Variants in PCNX2 observed in about 807,000 individuals in gnomAD.
The protein encoded by PCNX2 is pecanex 2.
Under a neutral mutation model 223.8 loss-of-function variants are expected in PCNX2, and 168 were observed. The ratio of observed to expected loss-of-function variants is 0.75; its 90% confidence interval spans 0.66 to 0.85. PCNX2 has a LOEUF of 0.85. PCNX2 is among the 40% of genes least tolerant of loss of function. The pLI, the probability that PCNX2 is intolerant of heterozygous loss-of-function variation, is 0.00. For missense variants in PCNX2, 2,507 were observed against 2,675.5 expected (o/e 0.94, Z 1.39); for synonymous variants, 1,006 against 1,052.6 (o/e 0.96, Z 0.86).
chr1:232,986,516 G>T lies in PCNX2; in HGVS notation c.5816C>A (p.Ser1939Tyr), dbSNP rs751586500. 1.9e-6 allele frequency: 3 copies of T among 1,544,158 alleles called. No individual in the cohort carries two copies. The highest frequency in any genetic ancestry group is 1.7e-6 in the Non-Finnish European group (2 of 1,144,678). Residue 1939 changes from serine (S) to tyrosine (Y), a missense_variant, in exon 33 of 34, where the codon TCC becomes TAC. This residue lies in a region of PCNX2 where 1,372 missense variants were observed against 1,509.4 expected (regional missense o/e 0.91). Coordinates refer to ENST00000258229, the MANE Select transcript of PCNX2 (RefSeq NM_014801.4). ...GCTTAGCGCTGAGTGTGCCTGCACG[G>T]ACTGGCTCCTGCCTTTCCTCCTGCC... Reference protein sequence around the residue: ...RTGRRKGRSQSVQAHSALSQR... With the variant: ...RTGRRKGRSQYVQAHSALSQR...
chr1:233,183,528 C>T (rs1236879166), intron 15 of PCNX2, among the ~76,000 whole-genome samples: 1 of 152,196 alleles, frequency 6.6e-6, no homozygotes, highest in Non-Finnish European at 1.5e-5. Context: ...ATGAGATTAT[C>T]AGAGAAAAGG....
chr1:233,200,091 C>G, intron 14 of PCNX2, 63 bp downstream of exon 14: 5 of 1,286,008 alleles, frequency 3.9e-6, no homozygotes, highest in Non-Finnish European at 5.4e-6. Flanking sequence ...CTGCCTAAGG[C>G]TATTTAGTCC....
chr1:233,076,805 T>G (rs1012869834), intron 23 of PCNX2, among the ~76,000 whole-genome samples: 2 of 152,224 alleles, frequency 1.3e-5, no homozygotes, highest in Non-Finnish European at 2.9e-5. Flanking sequence ...TGTTTGCATT[T>G]TTATGATATG....
At chr1:233,124,106 C>T (rs752923781) in intron 21 of PCNX2, among the ~76,000 whole-genome samples, 7 of 152,118 alleles carry the variant, frequency 4.6e-5, no homozygotes, top group African/African-American at 9.7e-5. Flanking sequence ...TTCTCATTCT[C>T]GTTTTCTGTC....
At chr1:233,004,136 T>C (rs1670192289) in intron 28 of PCNX2, among the ~76,000 whole-genome samples, 1 of 151,208 alleles carries the variant, frequency 6.6e-6, no homozygotes. Context: ...ACTTAAAGTA[T>C]AATTAAAAAA....
At chr1:233,268,101 T>C (rs11581864) in intron 1 of PCNX2, among the ~76,000 whole-genome samples, 1 of 152,038 alleles carries the variant, frequency 6.6e-6, no homozygotes, top group Admixed American at 6.5e-5. Context: ...TAGTAGAGAC[T>C]AGGTTTCACC....
At chr1:232,986,054 T>C (rs1571978227) in intron 33 of PCNX2, 38 bp downstream of exon 33, 2 of 1,548,046 alleles carry the variant, frequency 1.3e-6, no homozygotes, top group South Asian at 2.4e-5. Flanking sequence ...CGTGCCACCA[T>C]CCCAGCCTGT....
chr1:233,123,930 T>C (rs1675951007), intron 21 of PCNX2, among the ~76,000 whole-genome samples: 2 of 152,322 alleles, frequency 1.3e-5, no homozygotes, highest in East Asian at 3.9e-4. Flanking sequence ...ATCAGAATAC[T>C]GGTAATGGAA....
At chr1:233,211,587 T>G (rs1681822398) in intron 12 of PCNX2, among the ~76,000 whole-genome samples, 2 of 152,130 alleles carry the variant, frequency 1.3e-5, no homozygotes, top group Admixed American at 6.5e-5. Flanking sequence ...CTATTCTCAT[T>G]TTGATAAGAG....
chr1:233,059,449 C>A (rs1031813157), intron 23 of PCNX2, among the ~76,000 whole-genome samples: 8 of 152,150 alleles, frequency 5.3e-5, no homozygotes, highest in Non-Finnish European at 1.5e-5. Context: ...GAGGCAGAGG[C>A]ACAGAGAAAT....
intron 21 of PCNX2, among the ~76,000 whole-genome samples, chr1:233,100,927 T>C (rs1383019636): frequency 6.6e-6 from 1 of 152,198 alleles, no homozygotes; most frequent in African/African-American, 2.4e-5. Context: ...CTTCAGTTAA[T>C]TTCACCCCAA....
At chr1:233,193,990 A>G (rs1680568269) in intron 15 of PCNX2, among the ~76,000 whole-genome samples, 1 of 152,108 alleles carries the variant, frequency 6.6e-6, no homozygotes, top group South Asian at 2.1e-4. Context: ...AAGGCAGAAG[A>G]CATATTTGAA....
Position 233,209,817 on chromosome 1 carries a change from T to C in PCNX2, c.2692-1128A>G, listed in dbSNP as rs116022208. On this transcript the variant is annotated intron_variant, in intron 12 of 33. Transcript: ENST00000258229. Reference sequence around the variant, plus strand: ...TTAATGGGTATGGGAATACTTTTGTTGCATTTTTAAAAACTGAAGCTAAAG... The same window carrying C: ...TTAATGGGTATGGGAATACTTTTGTCGCATTTTTAAAAACTGAAGCTAAAG... Among the ~76,000 whole-genome samples, 652 of 152,324 alleles carry C rather than the reference T, an allele frequency of 4.3e-3. 5 individuals carry two copies. The highest frequency in any genetic ancestry group is 0.015 in the African/African-American group (629 of 41,582).
intron 19 of PCNX2, among the ~76,000 whole-genome samples, chr1:233,151,819 C>T (rs1316251360): frequency 6.6e-6 from 1 of 152,184 alleles, no homozygotes; most frequent in African/African-American, 2.4e-5. Flanking sequence ...GGATTATAGG[C>T]ACCTGCTACC....
intron 17 of PCNX2, 149 bp downstream of exon 17, chr1:233,177,653 C>A: frequency 1.7e-6 from 1 of 599,348 alleles, no homozygotes; most frequent in Non-Finnish European, 2.9e-6. Context: ...GCAGGCAGCT[C>A]AACAGCCCAG....
Position 233,001,887 on chromosome 1 carries a change from G to A in PCNX2, c.4953-206C>T, listed in dbSNP as rs200459902. ...CCCTCATAAGTGCTAGTGTCATGGC[G>A]TGGGCGTTGTCTTCAGTCATTTTAG... is the stretch of plus-strand genomic sequence containing the variant. On this transcript the variant is annotated intron_variant, in intron 28 of 33. Coordinates refer to ENST00000258229, the MANE Select transcript of PCNX2 (RefSeq NM_014801.4). The surrounding 1 kb of genome is among the most constrained non-coding windows in gnomAD (Gnocchi z 4.2). Among the ~76,000 whole-genome samples, 8 of 152,178 alleles carry A rather than the reference G, an allele frequency of 5.3e-5. No individual in the cohort carries two copies. The East Asian group carries it at 1.2e-3, about 22-fold the overall frequency.
intron 23 of PCNX2, among the ~76,000 whole-genome samples, chr1:233,088,508 T>A (rs1673710410): frequency 6.6e-6 from 1 of 152,212 alleles, no homozygotes; most frequent in South Asian, 2.1e-4. Context: ...GGTAGTTTTT[T>A]TTTACTCTCT....
At chr1:233,288,581 A>C (rs1661571520) in intron 1 of PCNX2, among the ~76,000 whole-genome samples, 1 of 152,212 alleles carries the variant, frequency 6.6e-6, no homozygotes, top group East Asian at 1.9e-4. Flanking sequence ...AACTGACTCA[A>C]GAAAATAATT....
chr1:233,047,396 C>G, intron 25 of PCNX2: 2 of 985,310 alleles, frequency 2.0e-6, no homozygotes, highest in Non-Finnish European at 2.4e-6. Context: ...ACCCTTTAAA[C>G]TCAAAGATTG....
Sources: allele counts gnomAD v4.1 joint callset (sites outside exome capture counted in the v4.1 genomes callset), GRCh38; gene constraint gnomAD v4.1.1; regional missense constraint gnomAD v4.1.1; non-coding constraint Gnocchi (gnomAD v3.1); transcripts MANE v1.5; gene names NCBI Gene and HGNC (gene_info 2026-07-23, HGNC 2026-07-21).